NRG3: variants seen among roughly 807,000 people sequenced by gnomAD.
NRG3 encodes the protein neuregulin 3, also known as pro-neuregulin-3, membrane-bound isoform.
NRG3 carries 31 observed loss-of-function variants against 66.9 expected under a neutral mutation model. That is an observed-to-expected ratio of 0.46 (90% CI 0.35 to 0.63). NRG3 has a LOEUF of 0.63. Ranked by LOEUF, NRG3 falls within the 20% of genes least tolerant of loss-of-function variation. NRG3 has a pLI of 0.00. For synonymous variants in NRG3, 393 were observed against 359.4 expected, an observed-to-expected ratio of 1.09 and a Z score of -1.06; for missense variants, 910 against 878.9, an observed-to-expected ratio of 1.04 and a Z score of -0.45.
At chr10:82,638,259 CA>C (rs2050331845) in intron 2 of NRG3, among the ~76,000 whole-genome samples, 1 of 152,114 alleles carries the variant, frequency 6.6e-6, no homozygotes, top group African/African-American at 2.4e-5. Context: ...ATGCCATGTT[CA>C]AAGGTGAATT....
At chr10:82,419,912 T>C (rs1183170212) in intron 2 of NRG3, among the ~76,000 whole-genome samples, 2 of 152,164 alleles carry the variant, frequency 1.3e-5, no homozygotes, top group African/African-American at 4.8e-5. Context: ...TGACAGAAAT[T>C]CAGCTCAGAG....
At chr10:82,073,038 G>C (rs970255569) in intron 1 of NRG3, among the ~76,000 whole-genome samples, 1 of 151,932 alleles carries the variant, frequency 6.6e-6, no homozygotes, top group African/African-American at 2.4e-5. Context: ...TCCTCCCAAA[G>C]TGTTGGGGTT....
chr10:81,896,341 A>ACTCT (rs1313300760), intron 1 of NRG3, among the ~76,000 whole-genome samples: 1 of 150,956 alleles, frequency 6.6e-6, no homozygotes, highest in African/African-American at 2.4e-5. Flanking sequence ...AGAGTGAAGA[A>ACTCT]CTCTCTCTCT....
chr10:81,929,340 A>G (rs183825712), intron 1 of NRG3, among the ~76,000 whole-genome samples: 1 of 152,320 alleles, frequency 6.6e-6, no homozygotes, highest in East Asian at 1.9e-4. Flanking sequence ...GACCTTGATC[A>G]TGTGCCTAAG....
chr10:82,172,037 G>C (rs543153072), intron 1 of NRG3, among the ~76,000 whole-genome samples: 1 of 152,116 alleles, frequency 6.6e-6, no homozygotes, highest in Non-Finnish European at 1.5e-5. Flanking sequence ...TCTGTTCTGT[G>C]TTTGGGGTTG....
chr10:82,832,230 C>CT (rs1249997271), intron 3 of NRG3, among the ~76,000 whole-genome samples: 1 of 152,194 alleles, frequency 6.6e-6, no homozygotes, highest in African/African-American at 2.4e-5. Context: ...TGTGACCGTC[C>CT]TTTAGCTCAT....
At chr10:82,734,879 A>G (rs960821231) in intron 2 of NRG3, among the ~76,000 whole-genome samples, 1 of 151,954 alleles carries the variant, frequency 6.6e-6, no homozygotes, top group African/African-American at 2.4e-5. Context: ...ATAACTGAGT[A>G]TGGTGGTGCA....
At chr10:81,892,962 A>G (rs1365574347) in intron 1 of NRG3, among the ~76,000 whole-genome samples, 1 of 152,172 alleles carries the variant, frequency 6.6e-6, no homozygotes, top group Non-Finnish European at 1.5e-5. Context: ...TGTAGCAACA[A>G]AAATTAAAAA....
At chr10:81,896,630 AT>A in intron 1 of NRG3, among the ~76,000 whole-genome samples, 2 of 148,970 alleles carry the variant, frequency 1.3e-5, no homozygotes, top group East Asian at 3.9e-4. Context: ...ATATTAGTAG[AT>A]TTAATCTCCA....
intron 1 of NRG3, among the ~76,000 whole-genome samples, chr10:81,880,666 G>A (rs1480205295): frequency 6.6e-6 from 1 of 152,110 alleles, no homozygotes; most frequent in Non-Finnish European, 1.5e-5. Flanking sequence ...CATCTCCAAT[G>A]CCAAACATAT....
intron 1 of NRG3, among the ~76,000 whole-genome samples, chr10:81,914,168 T>C (rs1019411624): frequency 5.3e-5 from 8 of 152,126 alleles, no homozygotes; most frequent in African/African-American, 1.9e-4. Flanking sequence ...TAAATATAGT[T>C]TATATTTTTA....
intron 2 of NRG3, among the ~76,000 whole-genome samples, chr10:82,673,939 A>T (rs1055585214): frequency 6.6e-6 from 1 of 152,166 alleles, no homozygotes; most frequent in Non-Finnish European, 1.5e-5. Flanking sequence ...TCAAGACTGA[A>T]CCTTGGAACT....
At chr10:82,491,293 A>AATATATATATATATATACATATATAT in intron 2 of NRG3, among the ~76,000 whole-genome samples, 1 of 82,200 alleles carries the variant, frequency 1.2e-5, no homozygotes, top group South Asian at 6.1e-4. Flanking sequence ...GTTCCCATAA[A>AATATATATATATATATACATATATAT]ATATATATAT....
intron 1 of NRG3, among the ~76,000 whole-genome samples, chr10:82,123,272 T>C (rs1360507320): frequency 1.3e-5 from 2 of 152,064 alleles, no homozygotes; most frequent in Non-Finnish European, 2.9e-5. Flanking sequence ...AGTTGATTTT[T>C]CCCCTGAACT....
At chr10:82,353,682 T>A (rs1332479851) in intron 1 of NRG3, among the ~76,000 whole-genome samples, 5 of 152,176 alleles carry the variant, frequency 3.3e-5, no homozygotes, top group Non-Finnish European at 7.3e-5. Context: ...CCCCTAGTGA[T>A]GGGGTACTAT....
chr10:81,990,226 A>G (rs1484256863), intron 1 of NRG3, among the ~76,000 whole-genome samples: 1 of 152,142 alleles, frequency 6.6e-6, no homozygotes, highest in Non-Finnish European at 1.5e-5. Context: ...ATATTCTACA[A>G]ATTTATTACT....
chr10:82,590,889 G>A (rs192047863), intron 2 of NRG3, among the ~76,000 whole-genome samples: 60 of 152,314 alleles, frequency 3.9e-4, no homozygotes, highest in East Asian at 3.5e-3. Flanking sequence ...CCACACTATG[G>A]CCAAGAACGC....
intron 1 of NRG3, among the ~76,000 whole-genome samples, chr10:82,019,156 A>G (rs561182037): frequency 3.5e-4 from 54 of 152,268 alleles, no homozygotes; most frequent in Admixed American, 1.3e-3. Context: ...GGGCTGTTGA[A>G]TTTTGTCAGA....
intron 1 of NRG3, among the ~76,000 whole-genome samples, chr10:82,080,725 T>A (rs529968362): frequency 2.1e-4 from 32 of 152,306 alleles, no homozygotes; most frequent in African/African-American, 6.7e-4. Context: ...TTAAAAAAAA[T>A]GTGGTAAAAT....
Sources: allele counts gnomAD v4.1 joint callset (sites outside exome capture counted in the v4.1 genomes callset), GRCh38; gene constraint gnomAD v4.1.1; transcripts MANE v1.5; gene names NCBI Gene and HGNC (gene_info 2026-07-23, HGNC 2026-07-21).